The following NINL variants were observed in gnomAD, a reference collection of about 807,000 sequenced individuals.
NINL encodes ninein like, also known as ninein-like protein.
Under a neutral mutation model 160.3 loss-of-function variants are expected in NINL, and 153 were observed. That is an observed-to-expected ratio of 0.95 (90% confidence interval 0.84 to 1.09). The LOEUF (loss-of-function observed/expected upper bound fraction) is 1.09. Ranked by LOEUF, NINL falls within the 50% of genes least tolerant of loss-of-function variation. The pLI, the probability that NINL is intolerant of heterozygous loss-of-function variation, is 0.00. For synonymous variants in NINL, 800 were observed against 734.8 expected (o/e 1.09, Z -1.43); for missense variants, 1,829 against 1,764.0 (o/e 1.04, Z -0.66).
At chr20:25,584,278 C>T (rs369416393) in intron 1 of NINL, among the ~76,000 whole-genome samples, 20 of 152,232 alleles carry the variant, frequency 1.3e-4, no homozygotes, top group African/African-American at 4.8e-4. Flanking sequence ...TCGAGACCAG[C>T]CTGGCCAACA....
At chr20:25,538,512 A>G (rs1405678451) in intron 1 of NINL, among the ~76,000 whole-genome samples, 1 of 152,106 alleles carries the variant, frequency 6.6e-6, no homozygotes, top group Admixed American at 6.5e-5. Flanking sequence ...CCTGGTGTAG[A>G]TGGTGGGCAG....
chr20:25,492,444 G>A (rs963634422), intron 10 of NINL, among the ~76,000 whole-genome samples: 8 of 151,876 alleles, frequency 5.3e-5, no homozygotes, highest in Non-Finnish European at 1.2e-4. Flanking sequence ...AAAAGCATAT[G>A]CAACATGGTG....
In NINL at chr20:25,462,372, A is replaced by T. The variant is rs1434472861; in HGVS notation, c.3582+11T>A. 7.7e-7 allele frequency: 1 copy of T among 1,299,474 alleles called. No homozygotes were observed. The highest frequency in any genetic ancestry group is 2.8e-5 in the African/African-American group (1 of 36,082). The allele number at this position is 1,299,474 out of a possible 1,614,324, so 80.5% of individuals were successfully genotyped here. ...CCTCCAGCTCAGCTCCCTGCGGCTG[A>T]GGCCACCCACCTGCTGCTGCCCACT... On this transcript the variant is annotated intron_variant, in intron 20 of 23. Coordinates refer to ENST00000278886, the MANE Select transcript of NINL (RefSeq NM_025176.6).
chr20:25,546,294 T>C (rs1432115750), intron 1 of NINL, among the ~76,000 whole-genome samples: 2 of 152,128 alleles, frequency 1.3e-5, no homozygotes, highest in Non-Finnish European at 2.9e-5. Context: ...AGGTGGATTC[T>C]GACTGAACAG....
intron 21 of NINL, 126 bp downstream of exon 21, chr20:25,461,396 C>A: frequency 4.8e-6 from 3 of 624,356 alleles, no homozygotes; most frequent in South Asian, 4.1e-5. Flanking sequence ...AGCACCTGGA[C>A]AGCTGTGCCC....
chr20:25,547,614 C>G (rs530126029), intron 1 of NINL, among the ~76,000 whole-genome samples: 4 of 152,166 alleles, frequency 2.6e-5, no homozygotes. Flanking sequence ...TGGAGAATTA[C>G]GTGGTGTGGA....
At chr20:25,580,502 C>T (rs1233105703) in intron 1 of NINL, among the ~76,000 whole-genome samples, 4 of 152,164 alleles carry the variant, frequency 2.6e-5, no homozygotes, top group Non-Finnish European at 4.4e-5. Context: ...GGAGACTATA[C>T]AGCAGTCTTG....
At chr20:25,510,618 G>T in intron 5 of NINL, 56 bp downstream of exon 5, 2 of 1,503,894 alleles carry the variant, frequency 1.3e-6, no homozygotes, top group Non-Finnish European at 9.3e-7. Flanking sequence ...CGGCTGTTCA[G>T]CTTTCAAAGC....
At chr20:25,512,722 A>AC (rs1476348874) in intron 4 of NINL, 112 bp downstream of exon 4, 19 of 1,352,694 alleles carry the variant, frequency 1.4e-5, no homozygotes, top group Non-Finnish European at 6.0e-6. Flanking sequence ...GGTGCCTGAG[A>AC]CGGTGGCTGC....
rs1032978916 is a variant in NINL at position 25,524,604 on chromosome 20, G to C, written c.180+1804C>G. On this transcript the variant is annotated intron_variant, in intron 2 of 23. Coordinates refer to ENST00000278886, the MANE Select transcript of NINL (RefSeq NM_025176.6). ...CATCTCAGATGAGCCGCTTTTCAGG[G>C]TGCGTGTGACAGGGTTCCAGTCAGA... 2.6e-5 allele frequency among the ~76,000 whole-genome samples: 4 copies of C among 152,270 alleles called. No individual in the cohort carries two copies. In the East Asian group the frequency reaches 7.7e-4, roughly 29 times the overall value.
chr20:25,495,034 A>AC (rs1168968939), intron 10 of NINL, among the ~76,000 whole-genome samples: 2 of 152,280 alleles, frequency 1.3e-5, no homozygotes, highest in East Asian at 3.9e-4. Flanking sequence ...CAATGGGGAT[A>AC]AATGGCCTAT....
intron 15 of NINL, 88 bp downstream of exon 15, chr20:25,480,073 C>A: frequency 2.2e-6 from 2 of 909,200 alleles, no homozygotes; most frequent in South Asian, 1.3e-5. Flanking sequence ...AGGGCAGACG[C>A]ATGTGGAAAT....
chr20:25,526,717 G>A, intron 1 of NINL, 119 bp from the exon 2 acceptor site: 2 of 1,054,548 alleles, frequency 1.9e-6, no homozygotes, highest in South Asian at 1.6e-5. Context: ...GCTGGCATGT[G>A]GGGAAGGCAC....
At position 25,526,524 on chromosome 20, in the gene NINL, T is replaced by A. The variant is rs773118633; in HGVS notation, c.64A>T (p.Thr22Ser). The change falls in exon 2 of 24, where the codon ACG becomes TCG. Residue 22 changes from threonine (T) to serine (S), a missense_variant. Transcript: ENST00000278886. Reference sequence around the variant, plus strand: ...TGGCGGTCCAGAAAGCCAGTCCCCGTGGTGTCGCAGCTGCTGTAGACTTCC... The same window carrying A: ...TGGCGGTCCAGAAAGCCAGTCCCCGAGGTGTCGCAGCTGCTGTAGACTTCC... ...LREVYSSCDT[T>S]GTGFLDRQEL... is the part of the protein sequence containing the mutation. The A allele has an allele frequency of 1.9e-6, 3 of 1,614,198 alleles. No individual in the cohort carries two copies. In the Admixed American group the frequency reaches 5.0e-5, roughly 27 times the overall value.
intron 5 of NINL, chr20:25,509,530 G>C (rs915456466): frequency 2.6e-6 from 1 of 383,032 alleles, no homozygotes; most frequent in Non-Finnish European, 5.2e-6. Flanking sequence ...CCTCACTCCT[G>C]AGCCCCAAGC....
chr20:25,562,146 C>T (rs541054151), intron 1 of NINL, among the ~76,000 whole-genome samples: 19 of 146,950 alleles, frequency 1.3e-4, no homozygotes, highest in South Asian at 1.1e-3. Context: ...CCCCGCCAGG[C>T]GAGACGCCCC....
intron 2 of NINL, among the ~76,000 whole-genome samples, chr20:25,519,989 C>CAAAA (rs59160061): frequency 0.056 from 682 of 12,126 alleles, 210 homozygotes; most frequent in East Asian, 0.097. Context: ...GACCCCGTCT[C>CAAAA]AAAAAAAAAA....
At chr20:25,574,413 T>C (rs1030716542) in intron 1 of NINL, among the ~76,000 whole-genome samples, 1 of 152,214 alleles carries the variant, frequency 6.6e-6, no homozygotes, top group Non-Finnish European at 1.5e-5. Flanking sequence ...TGAAATGCTT[T>C]AAAATGCAAC....
At chr20:25,493,312 G>A (rs2063679064) in intron 10 of NINL, among the ~76,000 whole-genome samples, 2 of 152,124 alleles carry the variant, frequency 1.3e-5, no homozygotes, top group South Asian at 4.1e-4. Context: ...GAAGTCGCTG[G>A]AGGTCAGAAC....
Sources: allele counts gnomAD v4.1 joint callset (sites outside exome capture counted in the v4.1 genomes callset), GRCh38; gene constraint gnomAD v4.1.1; transcripts MANE v1.5; gene names NCBI Gene and HGNC (gene_info 2026-07-23, HGNC 2026-07-21).